Variants in NUP160 observed in about 807,000 individuals in gnomAD.
NUP160 encodes nucleoporin 160.
NUP160 carries 94 observed loss-of-function variants against 196.9 expected under a neutral mutation model. The ratio of observed to expected loss-of-function variants is 0.48; its 90% CI spans 0.40 to 0.57. The LOEUF is 0.57. NUP160 is among the 20% of genes least tolerant of loss of function. The pLI, the probability that NUP160 is intolerant of heterozygous loss-of-function variation, is 0.00. For synonymous variants in NUP160, 605 were observed against 619.7 expected (o/e 0.98, Z 0.35); for missense variants, 1,638 against 1,748.3 (o/e 0.94, Z 1.13).
At chr11:47,782,296 AAAAAAAAATATATATATATATATAT>A (rs1190827077) in intron 34 of NUP160, among the ~76,000 whole-genome samples, 20 of 49,554 alleles carry the variant, frequency 4.0e-4, no homozygotes, top group Admixed American at 8.1e-4. Context: ...AGTTAAAAAA[AAAAAAAAATATATATATATATATAT>A]ATATATATAT....
chr11:47,786,974 G>C, intron 31 of NUP160: 1 of 178,742 alleles, frequency 5.6e-6, no homozygotes, highest in South Asian at 1.0e-4. Flanking sequence ...ATATTTAGTA[G>C]AGACGGGGTT....
chr11:47,833,751 C>T (rs1460539252), intron 7 of NUP160, among the ~76,000 whole-genome samples: 1 of 152,170 alleles, frequency 6.6e-6, no homozygotes, highest in East Asian at 1.9e-4. Flanking sequence ...ATCACAAGGT[C>T]AGGAGTTCGA....
At chr11:47,786,352 G>T (rs2097664512) in intron 32 of NUP160, 101 bp downstream of exon 32, 4 of 655,488 alleles carry the variant, frequency 6.1e-6, no homozygotes, top group Non-Finnish European at 5.2e-6. Flanking sequence ...CAAAAAGAAA[G>T]AAAAAAGTGA....
At chr11:47,815,800 T>C (rs1218242906) in intron 12 of NUP160, 146 bp downstream of exon 12, 12 of 890,896 alleles carry the variant, frequency 1.3e-5, no homozygotes, top group Non-Finnish European at 2.1e-5. Context: ...CAAATGTGTA[T>C]CTGATTCTCT....
exon 32 of NUP160, chr11:47,786,465 G>C (rs759241324): frequency 1.2e-6 from 2 of 1,611,788 alleles, no homozygotes; most frequent in Non-Finnish European, 1.7e-6. Context: ...AGACTCCTTA[G>C]TAGTGATGAC....
rs1477454818 is a variant in NUP160 at position 47,801,833 on chromosome 11, G to C, written c.2873C>G (p.Pro958Arg). The change falls in exon 23 of 36, where the codon CCC (proline) becomes CGC (arginine). Residue 958 changes from proline (P) to arginine (R), a missense_variant. Physicochemically the swap from Pro to Arg is moderately radical, Grantham distance 103. This residue lies in a region of NUP160 where 1,345 missense variants were observed against 1,470.2 expected (regional missense o/e 0.91). Coordinates refer to ENST00000378460, the Ensembl canonical transcript of NUP160. Reference sequence around the variant, plus strand: ...TACCTTGTCATAATACTGCAGCCTGGGGGTAGACACGATCTCCCCATCCTC... The same window carrying C: ...TACCTTGTCATAATACTGCAGCCTGCGGGTAGACACGATCTCCCCATCCTC... 2.5e-6 allele frequency: 4 copies of C among 1,613,736 alleles called. No homozygotes were observed. The African/African-American group carries it at 5.3e-5, about 22-fold the overall frequency.
intron 31 of NUP160, 148 bp downstream of exon 31, chr11:47,788,034 T>C: frequency 1.4e-6 from 1 of 740,520 alleles, no homozygotes; most frequent in Non-Finnish European, 2.1e-6. Context: ...AAATTCTTTT[T>C]AAGAATGCTT....
At chr11:47,810,773 T>C (rs1565197155) in intron 17 of NUP160, among the ~76,000 whole-genome samples, 1 of 152,082 alleles carries the variant, frequency 6.6e-6, no homozygotes, top group Non-Finnish European at 1.5e-5. Flanking sequence ...CTCGAACTCC[T>C]GGCCTCAAGT....
At chr11:47,813,147 T>C in intron 14 of NUP160, 100 bp from the exon 15 acceptor site, 1 of 1,037,752 alleles carries the variant, frequency 9.6e-7, no homozygotes, top group Non-Finnish European at 1.4e-6. Context: ...AAGAAATCTA[T>C]CTGAGGTCTC....
At chr11:47,806,852 C>CACACATATATAT (rs1428564239) in intron 19 of NUP160, among the ~76,000 whole-genome samples, 2 of 124,252 alleles carry the variant, frequency 1.6e-5, no homozygotes, top group African/African-American at 6.3e-5. Context: ...CACACACACA[C>CACACATATATAT]ATATATATAC....
intron 29 of NUP160, among the ~76,000 whole-genome samples, chr11:47,789,714 A>G (rs1190771950): frequency 6.6e-6 from 1 of 151,836 alleles, no homozygotes; most frequent in Non-Finnish European, 1.5e-5. Context: ...TATGTATAGT[A>G]TATAACAATG....
intron 11 of NUP160, among the ~76,000 whole-genome samples, 190 bp downstream of exon 11, chr11:47,817,866 A>C (rs917157381): frequency 6.6e-6 from 1 of 152,000 alleles, no homozygotes; most frequent in African/African-American, 2.4e-5. Context: ...CCCCCCTCCA[A>C]CCTCTCCACC....
chr11:47,807,963 C>T (rs545213336), intron 18 of NUP160, among the ~76,000 whole-genome samples: 104 of 152,302 alleles, frequency 6.8e-4, no homozygotes, highest in Non-Finnish European at 1.3e-3. Flanking sequence ...ATCTTAATGG[C>T]ATATAATTTT....
At chr11:47,821,673 G>T in intron 9 of NUP160, 51 bp downstream of exon 9, 1 of 1,363,750 alleles carries the variant, frequency 7.3e-7, no homozygotes, top group Non-Finnish European at 1.0e-6. Flanking sequence ...CGTCTTCTTA[G>T]CATGAAATTG....
At chr11:47,802,031 G>A in intron 22 of NUP160, 101 bp from the exon 23 acceptor site, 3 of 1,076,500 alleles carry the variant, frequency 2.8e-6, no homozygotes, top group Non-Finnish European at 4.1e-6. Flanking sequence ...AAAGAAACAA[G>A]ATTACTTAAC....
chr11:47,835,702 G>C, exon 7 of NUP160: 1 of 1,605,116 alleles, frequency 6.2e-7, no homozygotes, highest in Non-Finnish European at 8.5e-7. Flanking sequence ...GTCCCATGGT[G>C]GGGGAATAAG....
At chr11:47,832,278 T>C (rs907086306) in intron 7 of NUP160, among the ~76,000 whole-genome samples, 1 of 152,068 alleles carries the variant, frequency 6.6e-6, no homozygotes, top group Non-Finnish European at 1.5e-5. Context: ...TTGGGAGAAA[T>C]TTAATTTATA....
At chr11:47,840,576 T>C in exon 3 of NUP160, 2 of 1,597,482 alleles carry the variant, frequency 1.3e-6, no homozygotes, top group Non-Finnish European at 1.7e-6. Flanking sequence ...CCAATGTATC[T>C]CCAGAGGTCT....
chr11:47,825,178 C>T (rs1342402099), intron 7 of NUP160, among the ~76,000 whole-genome samples: 2 of 152,078 alleles, frequency 1.3e-5, no homozygotes, highest in East Asian at 1.9e-4. Context: ...CCATGTTGCC[C>T]GAGCTAGTCA....
Sources: gnomAD v4.1 joint callset for allele counts (sites outside exome capture counted in the v4.1 genomes callset) on GRCh38, gnomAD v4.1.1 for gene constraint, gnomAD v4.1.1 regional missense constraint, MANE v1.5 for transcripts, NCBI Gene and HGNC (gene_info 2026-07-23, HGNC 2026-07-21) for gene names.